Variants in TMIGD3 observed in about 807,000 individuals in gnomAD.
The protein encoded by TMIGD3 is AD026 protein (AD026).
Under a neutral mutation model 28.1 loss-of-function variants are expected in TMIGD3, and 21 were observed. The observed-to-expected ratio is 0.75, with a 90% CI of 0.53 to 1.08. The LOEUF (loss-of-function observed/expected upper bound fraction) is 1.08. Ranked by LOEUF, TMIGD3 falls within the 50% of genes least tolerant of loss-of-function variation. TMIGD3 has a pLI of 0.00. For missense variants in TMIGD3, 416 were observed against 435.6 expected (o/e 0.96, Z 0.40); for synonymous variants, 151 against 162.1 (o/e 0.93, Z 0.52).
intron 1 of TMIGD3, chr1:111,542,227 G>GTACTGA: frequency 1.7e-6 from 1 of 603,894 alleles, no homozygotes; most frequent in South Asian, 1.4e-5. Flanking sequence ...CATCCTTCGC[G>GTACTGA]TACTGACGGA....
At chr1:111,550,640 C>A (rs1290934717) in intron 1 of TMIGD3, among the ~76,000 whole-genome samples, 2 of 152,082 alleles carry the variant, frequency 1.3e-5, no homozygotes, top group African/African-American at 4.8e-5. Context: ...ATTTAGGAAC[C>A]TTCCTGATTT....
At chr1:111,524,023 C>A (rs1342554692) in intron 1 of TMIGD3, among the ~76,000 whole-genome samples, 1 of 120,404 alleles carries the variant, frequency 8.3e-6, no homozygotes, top group Non-Finnish European at 1.7e-5. Context: ...TTCTTTCTTT[C>A]TTTTCTTTTT....
intron 1 of TMIGD3, among the ~76,000 whole-genome samples, chr1:111,499,102 G>GA (rs1655028808): frequency 1.1e-5 from 1 of 89,356 alleles, no homozygotes; most frequent in African/African-American, 3.9e-5. Context: ...AAAAAAAAAA[G>GA]AAAAAAAAGA....
At chr1:111,525,512 C>T (rs1656232694) in intron 1 of TMIGD3, among the ~76,000 whole-genome samples, 1 of 152,076 alleles carries the variant, frequency 6.6e-6, no homozygotes, top group Non-Finnish European at 1.5e-5. Context: ...TGAGTGTTAC[C>T]ATGGTGTATG....
At chr1:111,507,474 T>C (rs1395614262), upstream of TMIGD3, among the ~76,000 whole-genome samples, 2 of 152,078 alleles carry the variant, frequency 1.3e-5, no homozygotes, top group Admixed American at 1.3e-4. Context: ...GCCCTTGGGG[T>C]TCCGCTTAAT....
chr1:111,487,723 G>T (rs1254679582), intron 3 of TMIGD3, among the ~76,000 whole-genome samples: 1 of 152,140 alleles, frequency 6.6e-6, no homozygotes, highest in African/African-American at 2.4e-5. Context: ...CCTTCCCTGT[G>T]GTCTCCAAAT....
At position 111,489,006 on chromosome 1, in the gene TMIGD3, T is replaced by C. The variant is rs756770549; in HGVS notation, c.476A>G (p.Glu159Gly). 1.2e-6 allele frequency: 2 copies of C among 1,611,802 alleles called. No individual in the cohort carries two copies. The highest frequency in any genetic ancestry group is 1.7e-5 in the Admixed American group (1 of 59,964). The change falls in exon 3 of 6, where the codon GAA becomes GGA. Residue 159 changes from glutamate to glycine, a missense_variant. Transcript: ENST00000369716. Reference sequence around the variant, plus strand: ...CAGCACAAAGCTTCTCTTGACCTTTTCATCCATGACCATGGCATCTGTGAA... The same window carrying C: ...CAGCACAAAGCTTCTCTTGACCTTTCCATCCATGACCATGGCATCTGTGAA... ...ALISDAMVMD[E>G]KVKRSFVLDT...
intron 1 of TMIGD3, chr1:111,500,001 G>T (rs1212106859): frequency 6.2e-7 from 1 of 1,614,132 alleles, no homozygotes; most frequent in South Asian, 1.1e-5. Context: ...AGGGATGGCA[G>T]ACCACACAAG....
In TMIGD3 at chr1:111,503,087, G is replaced by C. The variant is rs77883500; in HGVS notation, c.268C>G (p.Leu90Val). ...ATGGAGGCGTGGGTAAAGATAAGCA[G>C]TAGGCAAGTCATAAAAAGGCAGCTG... ...FYSCLFMTCL[L>V]LIFTHASIMS... Residue 90 changes from leucine to valine, a missense_variant, in exon 1 of 6, where the codon CTG becomes GTG. Coordinates refer to ENST00000369716, the MANE Select transcript of TMIGD3 (RefSeq NM_020683.7). 2.4e-3 allele frequency: 3,938 copies of C among 1,614,196 alleles called. 88 individuals are homozygous for C. The African/African-American group carries it at 0.045, about 19-fold the overall frequency.
chr1:111,504,822 C>A (rs982692231), upstream of TMIGD3: 1 of 981,430 alleles, frequency 1.0e-6, no homozygotes, highest in Non-Finnish European at 1.2e-6. Context: ...CTCCCGACCC[C>A]CACCCTGTAT....
chr1:111,500,788 C>T, intron 1 of TMIGD3: 2 of 555,646 alleles, frequency 3.6e-6, no homozygotes, highest in Non-Finnish European at 6.3e-6. Flanking sequence ...CAGGAAACTT[C>T]TCTGGGGACT....
At chr1:111,491,260 G>T (rs1342228721) in intron 1 of TMIGD3, among the ~76,000 whole-genome samples, 1 of 152,258 alleles carries the variant, frequency 6.6e-6, no homozygotes, top group Non-Finnish European at 1.5e-5. Context: ...CTGCGTGCCT[G>T]GGACCTGGAA....
At chr1:111,512,058 G>T (rs954323165) in intron 1 of TMIGD3, among the ~76,000 whole-genome samples, 1 of 152,172 alleles carries the variant, frequency 6.6e-6, no homozygotes, top group Non-Finnish European at 1.5e-5. Flanking sequence ...TCACTGGCTC[G>T]TTTGTCACTC....
At chr1:111,509,453 C>T (rs1655619791) in intron 1 of TMIGD3, among the ~76,000 whole-genome samples, 1 of 152,148 alleles carries the variant, frequency 6.6e-6, no homozygotes, top group African/African-American at 2.4e-5. Flanking sequence ...GGCCTCATCC[C>T]TTGATTTCAC....
chr1:111,533,634 G>A (rs1007692898), intron 1 of TMIGD3, among the ~76,000 whole-genome samples: 3 of 152,056 alleles, frequency 2.0e-5, no homozygotes, highest in Non-Finnish European at 4.4e-5. Flanking sequence ...GCTCACTGTA[G>A]CCTCCACTCC....
At chr1:111,495,164 G>C (rs947365684) in intron 1 of TMIGD3, among the ~76,000 whole-genome samples, 2 of 152,136 alleles carry the variant, frequency 1.3e-5, no homozygotes, top group African/African-American at 4.8e-5. Flanking sequence ...TTAAACTGAA[G>C]AGCTTCTCTG....
At chr1:111,506,175 T>A (rs551687603), upstream of TMIGD3, among the ~76,000 whole-genome samples, 530 of 152,346 alleles carry the variant, frequency 3.5e-3, 2 homozygotes, top group African/African-American at 0.012. Flanking sequence ...GCTTAGCCTG[T>A]AAGTTCCTGG....
At chr1:111,557,330 C>T (rs919101540) in intron 1 of TMIGD3, among the ~76,000 whole-genome samples, 3 of 152,170 alleles carry the variant, frequency 2.0e-5, no homozygotes, top group Admixed American at 6.5e-5. Flanking sequence ...AGGCAGATCA[C>T]GAGGTGAGGA....
At chr1:111,557,306 T>A (rs1449105289) in intron 1 of TMIGD3, among the ~76,000 whole-genome samples, 1 of 152,194 alleles carries the variant, frequency 6.6e-6, no homozygotes, top group Non-Finnish European at 1.5e-5. Context: ...CCTAGCACTT[T>A]GGGAGTCCGA....
Sources: allele counts gnomAD v4.1 joint callset (sites outside exome capture counted in the v4.1 genomes callset), GRCh38; gene constraint gnomAD v4.1.1; transcripts MANE v1.5; gene names NCBI Gene and HGNC (gene_info 2026-07-23, HGNC 2026-07-21).